Variants in CSF3R observed in about 807,000 individuals in gnomAD.
The protein encoded by CSF3R is colony stimulating factor 3 receptor, also known as granulocyte colony-stimulating factor receptor.
In CSF3R, 52 loss-of-function variants were observed where a neutral mutation model predicts 84.4. The observed-to-expected ratio is 0.62, with a 90% CI of 0.49 to 0.78. The LOEUF (loss-of-function observed/expected upper bound fraction) is 0.78. CSF3R is among the 30% of genes least tolerant of loss of function. The pLI, the probability that CSF3R is intolerant of heterozygous loss-of-function variation, is 0.00. For synonymous variants in CSF3R, 384 were observed against 429.1 expected (o/e 0.89, Z 1.30); for missense variants, 890 against 1,055.7 (o/e 0.84, Z 2.17).
At position 36,466,537 on chromosome 1, in the gene CSF3R, C is replaced by A; in HGVS notation, c.2331G>T (p.Leu777Phe). ...ACTTGGGGCTGGGGGTGAGGCCCGC[C>A]AAGAGGGGCTGAGTGGAGTCACAGC... ...YLRCDSTQPL[L>F]AGLTPSPKSY... The change falls in exon 17 of 17, where the codon TTG becomes TTT. Residue 777 changes from leucine (L) to phenylalanine (F), a missense_variant. Physicochemically the swap from Leu to Phe is conservative, Grantham distance 22 (BLOSUM62 0). Coordinates refer to ENST00000373106, the MANE Select transcript of CSF3R (RefSeq NM_000760.4). The surrounding 1 kb of genome is among the most constrained non-coding windows in gnomAD (Gnocchi z 4.6). 1.2e-6 allele frequency: 2 copies of A among 1,609,424 alleles called. No homozygotes were observed. Among genetic ancestry groups the A allele is most frequent in the Non-Finnish European group, 1.7e-6 (2 of 1,176,962 alleles).
rs1362246919 is a variant in CSF3R at position 36,475,404 on chromosome 1, G to A, written c.334C>T (p.Leu112=). The A allele has an allele frequency of 1.9e-6, 3 of 1,614,002 alleles. No homozygotes were observed. The highest frequency in any genetic ancestry group is 2.5e-6 in the Non-Finnish European group (3 of 1,180,004). Residue 112 remains leucine (L), a synonymous_variant, in exon 4 of 17, where the codon CTG becomes TTG. Coordinates refer to ENST00000373106, the MANE Select transcript of CSF3R (RefSeq NM_000760.4). ...CLNWGNSLQI[L]DQVELRAGYP... ...CCTGCGCGCAGCTCAACCTGGTCCA[G>A]GATCTGCAGGCTGTTGCCCCAGTTC...
intron 1 of CSF3R, chr1:36,481,879 T>A (rs1197155661): frequency 6.5e-6 from 1 of 152,848 alleles, no homozygotes; most frequent in African/African-American, 2.4e-5. Context: ...ACTGCGGCCA[T>A]CTCTGCTGGG....
In CSF3R at chr1:36,466,288, A is replaced by T. The variant is rs575585504; in HGVS notation, c.*69T>A. ...GTAGTTTTTAGTCATGGGCTTATGG[A>T]CCCTCCCCTCTTCTCCAGCTAGCTC... On this transcript the variant is annotated 3_prime_UTR_variant, in exon 17 of 17. Coordinates refer to ENST00000373106, the MANE Select transcript of CSF3R (RefSeq NM_000760.4). The surrounding 1 kb of genome is among the most constrained non-coding windows in gnomAD (Gnocchi z 4.6). 8.1e-5 allele frequency: 131 copies of T among 1,611,028 alleles called. 1 individual carries two copies. The African/African-American group carries it at 1.2e-3, about 15-fold the overall frequency.
rs1650303375 is a variant in CSF3R at position 36,466,291 on chromosome 1, C to G, written c.*66G>C. On this transcript the variant is annotated 3_prime_UTR_variant, in exon 17 of 17. Coordinates refer to ENST00000373106, the MANE Select transcript of CSF3R (RefSeq NM_000760.4). This position sits in a 1 kb window ranked among gnomAD's most constrained non-coding sequence, Gnocchi z 4.6. ...GTTTTTAGTCATGGGCTTATGGACC[C>G]TCCCCTCTTCTCCAGCTAGCTCAGG... 3.1e-6 allele frequency: 5 copies of G among 1,611,380 alleles called. No homozygotes were observed. The highest frequency in any genetic ancestry group is 3.4e-5 in the Admixed American group (2 of 59,512).
intron 3 of CSF3R, among the ~76,000 whole-genome samples, chr1:36,478,578 C>T (rs1007225354): frequency 1.3e-5 from 2 of 150,272 alleles, no homozygotes; most frequent in Non-Finnish European, 3.0e-5. Flanking sequence ...CAGGGCGTGG[C>T]GGGTCATGCT....
chr1:36,469,609 C>A (rs1172020934), intron 11 of CSF3R, 43 bp downstream of exon 11: 2 of 1,609,992 alleles, frequency 1.2e-6, no homozygotes, highest in Non-Finnish European at 8.5e-7. Context: ...AGCACTGCCT[C>A]CCTTTGTCCC....
chr1:36,473,224 C>G (rs1650897275), intron 6 of CSF3R: 1 of 608,280 alleles, frequency 1.6e-6, no homozygotes, highest in African/African-American at 1.9e-5. Flanking sequence ...CTGAATGTGT[C>G]TCTTTGCCTC....
chr1:36,467,519 T>A lies in CSF3R; in HGVS notation c.1958+39A>T. On this transcript the variant is annotated intron_variant, in intron 15 of 16. Coordinates refer to ENST00000373106, the MANE Select transcript of CSF3R (RefSeq NM_000760.4). This position sits in a 1 kb window ranked among gnomAD's most constrained non-coding sequence, Gnocchi z 4.1. ...ATCTGGACCTGAGGTTCCCTGTGGG[T>A]GGGGGAAGCAGGATCTCAGGTCTCT... The A allele has an allele frequency of 6.3e-7, 1 of 1,588,336 alleles. No individual in the cohort carries two copies. The highest frequency in any genetic ancestry group is 8.6e-7 in the Non-Finnish European group (1 of 1,157,918).
Position 36,472,534 on chromosome 1 carries a change from C to T in CSF3R, c.826G>A (p.Glu276Lys), listed in dbSNP as rs201037400. The T allele has an allele frequency of 2.2e-5, 35 of 1,614,200 alleles. No homozygotes were observed. The East Asian group carries it at 6.5e-4, about 30-fold the overall frequency. The change falls in exon 7 of 17, where the codon GAA (glutamate) becomes AAA (lysine). Residue 276 changes from glutamate to lysine, a missense_variant. Coordinates refer to ENST00000373106, the MANE Select transcript of CSF3R (RefSeq NM_000760.4). The surrounding 1 kb of genome is among the most constrained non-coding windows in gnomAD (Gnocchi z 5.0). ...CELRHKPQRGEASWALVGPLP... is the reference protein window; with the variant it reads ...CELRHKPQRGKASWALVGPLP... ...TGCCTCACCAGTGCCCAGCTGGCTT[C>T]TCCACGCTGCGGCTTGTGGCGCAGC...
chr1:36,471,369 G>T, intron 10 of CSF3R, 64 bp downstream of exon 10: 1 of 1,496,572 alleles, frequency 6.7e-7, no homozygotes. Flanking sequence ...TTTAACCCAG[G>T]CAGTCTAGCC....
chr1:36,473,576 C>A lies in CSF3R; in HGVS notation c.532G>T (p.Val178Leu), dbSNP rs186379741. 6.2e-7 allele frequency: 1 copy of A among 1,614,050 alleles called. No individual in the cohort carries two copies. Among genetic ancestry groups the A allele is most frequent in the African/African-American group, 1.3e-5 (1 of 74,940 alleles). The part of the protein sequence containing the change: ...QTQGDSILDC[V>L]PKDGQSHCCI... ...CAGTGGCTCTGCCCGTCCTTGGGCA[C>A]GCAGTCCAGGATGGAGTCCCCTTGG... The change falls in exon 6 of 17, where the codon GTG becomes TTG. Residue 178 changes from valine to leucine, a missense_variant. Val to Leu is a conservative substitution (Grantham distance 32, BLOSUM62 1). Coordinates refer to ENST00000373106, the MANE Select transcript of CSF3R (RefSeq NM_000760.4).
intron 3 of CSF3R, among the ~76,000 whole-genome samples, chr1:36,476,749 C>T (rs1651181000): frequency 6.6e-6 from 1 of 152,086 alleles, no homozygotes; most frequent in African/African-American, 2.4e-5. Flanking sequence ...CACCCTTGAC[C>T]TCCTAGGCTC....
intron 3 of CSF3R, chr1:36,475,923 G>T: frequency 4.2e-6 from 2 of 472,920 alleles, no homozygotes; most frequent in Non-Finnish European, 7.5e-6. Flanking sequence ...TTTGTAGTGT[G>T]TGCCTTTCCG....
At chr1:36,479,353 G>T in intron 3 of CSF3R, 80 bp downstream of exon 3, 2 of 1,344,458 alleles carry the variant, frequency 1.5e-6, no homozygotes, top group Non-Finnish European at 1.1e-6. Context: ...CAGGAGCCAT[G>T]TGGCAGTGCA....
chr1:36,467,213 C>G lies in CSF3R; in HGVS notation c.2040+17G>C. 1 of 1,613,316 alleles carries G rather than the reference C, an allele frequency of 6.2e-7. No individual in the cohort carries two copies. Among genetic ancestry groups the G allele is most frequent in the Non-Finnish European group, 8.5e-7 (1 of 1,179,226 alleles). ...CGACATCCCCATCTCATTTCCCTCT[C>G]CCTCCTGGATTCTCACCTCCTCCAT... On this transcript the variant is annotated intron_variant, in intron 16 of 16. Transcript: ENST00000373106. This position sits in a 1 kb window ranked among gnomAD's most constrained non-coding sequence, Gnocchi z 4.1.
Position 36,472,472 on chromosome 1 carries a change from C to A in CSF3R, c.843+45G>T, listed in dbSNP as rs1570588894. ...AGCTCGAGCCCGACTTACCCTGCCC[C>A]CTGCCCCCACCACCTCAGGCTCTCC... On this transcript the variant is annotated intron_variant, in intron 7 of 16. Transcript: ENST00000373106. The surrounding 1 kb of genome is among the most constrained non-coding windows in gnomAD (Gnocchi z 5.0). 1 of 1,614,088 alleles carries A rather than the reference C, an allele frequency of 6.2e-7. No individual in the cohort carries two copies. Among genetic ancestry groups the A allele is most frequent in the East Asian group, 2.2e-5 (1 of 44,876 alleles).
rs1650393572 is a variant in CSF3R, at chr1:36,467,382, C to T, written c.1959-71G>A. ...TCTTTCCATTTTTTGTCCCACCCACCCCACCTGAAGAGGTGCAGCTGCCCT... is the reference window on the plus strand; with the variant it reads ...TCTTTCCATTTTTTGTCCCACCCACTCCACCTGAAGAGGTGCAGCTGCCCT... On this transcript the variant is annotated intron_variant, in intron 15 of 16. Coordinates refer to ENST00000373106, the MANE Select transcript of CSF3R (RefSeq NM_000760.4). The surrounding 1 kb of genome is among the most constrained non-coding windows in gnomAD (Gnocchi z 4.1). The T allele has an allele frequency of 2.0e-6, 3 of 1,532,308 alleles. No individual in the cohort carries two copies. The highest frequency in any genetic ancestry group is 2.2e-5 in the East Asian group (1 of 44,480). 94.9% of individuals were successfully genotyped at this position (1,532,308 alleles called of 1,614,324 possible).
At chr1:36,478,460 C>T (rs3917930) in intron 3 of CSF3R, among the ~76,000 whole-genome samples, 6,250 of 152,022 alleles carry the variant, frequency 0.041, 191 homozygotes, top group Middle Eastern at 0.12. Flanking sequence ...ACCCGGCAGG[C>T]GGAGGTTGCA....
rs2275472 is a variant in CSF3R, at chr1:36,469,066, T to C, written c.1576+90A>G. 0.023 allele frequency: 21,735 copies of C among 936,114 alleles called. 401 individuals carry two copies. The highest frequency in any genetic ancestry group is 0.059 in the East Asian group (2,389 of 40,154). 58.0% of individuals were successfully genotyped at this position (936,114 alleles called of 1,614,324 possible). A position where few individuals can be genotyped will look rare whatever the true frequency, so the allele number is the denominator to read the frequency against. On this transcript the variant is annotated intron_variant, in intron 12 of 16. Transcript: ENST00000373106. Reference sequence around the variant, plus strand: ...GGCTGGAAGTATGGTAGGAAGGCAATGTTCCCTATACTTCTGATTGCTGGG... The same window carrying C: ...GGCTGGAAGTATGGTAGGAAGGCAACGTTCCCTATACTTCTGATTGCTGGG...
Sources: allele counts gnomAD v4.1 joint callset (sites outside exome capture counted in the v4.1 genomes callset), GRCh38; gene constraint gnomAD v4.1.1; non-coding constraint Gnocchi (gnomAD v3.1); transcripts MANE v1.5; gene names NCBI Gene and HGNC (gene_info 2026-07-23, HGNC 2026-07-21).